The following CSMD1 variants were observed in gnomAD, a reference collection of about 807,000 sequenced individuals.
CSMD1 encodes CUB and Sushi multiple domains 1.
A neutral mutation model predicts 417.5 loss-of-function variants in CSMD1; 213 were observed. The observed-to-expected ratio is 0.51, with a 90% CI of 0.46 to 0.57. The LOEUF (loss-of-function observed/expected upper bound fraction) is 0.57. Ranked by LOEUF, CSMD1 falls within the 20% of genes least tolerant of loss-of-function variation. CSMD1 has a pLI of 0.00. For synonymous variants in CSMD1, 2,862 were observed against 1,736.8 expected (o/e 1.65, Z -16.11); for missense variants, 6,923 against 4,529.7 (o/e 1.53, Z -15.17).
intron 3 of CSMD1, among the ~76,000 whole-genome samples, chr8:4,272,310 T>A (rs753985076): frequency 6.6e-6 from 1 of 152,188 alleles, no homozygotes; most frequent in Admixed American, 6.5e-5. Context: ...TCCTTGCCAA[T>A]GTCATAACAA....
chr8:4,822,849 C>T (rs946840854), intron 1 of CSMD1, among the ~76,000 whole-genome samples: 2 of 152,042 alleles, frequency 1.3e-5, no homozygotes, highest in Non-Finnish European at 1.5e-5. Context: ...CTGTAATTTT[C>T]TCCGTCAGAT....
At chr8:3,995,374 T>A (rs1266243299) in intron 5 of CSMD1, among the ~76,000 whole-genome samples, 1 of 145,778 alleles carries the variant, frequency 6.9e-6, no homozygotes, top group Admixed American at 6.9e-5. Context: ...ATGTTACACA[T>A]ACACACAAAA....
intron 12 of CSMD1, among the ~76,000 whole-genome samples, chr8:3,446,635 T>A (rs1197797303): frequency 6.6e-6 from 1 of 152,156 alleles, no homozygotes; most frequent in Non-Finnish European, 1.5e-5. Flanking sequence ...AAAGAAACGC[T>A]GTTTGGGGAA....
chr8:4,849,452 C>T (rs1190947533), intron 1 of CSMD1, among the ~76,000 whole-genome samples: 1 of 151,856 alleles, frequency 6.6e-6, no homozygotes, highest in Non-Finnish European at 1.5e-5. Flanking sequence ...GTTGTAAAGT[C>T]CACAATAGTG....
At chr8:4,750,910 T>C (rs1264349912) in intron 1 of CSMD1, among the ~76,000 whole-genome samples, 1 of 152,220 alleles carries the variant, frequency 6.6e-6, no homozygotes, top group East Asian at 1.9e-4. Context: ...CTTACTAATT[T>C]GGATAGCTCC....
intron 1 of CSMD1, among the ~76,000 whole-genome samples, chr8:4,773,869 G>C (rs765672167): frequency 2.0e-5 from 3 of 152,130 alleles, no homozygotes; most frequent in Non-Finnish European, 4.4e-5. Context: ...ACTCACCAGT[G>C]CCCAAACTAT....
chr8:3,800,823 T>C (rs1327268687), intron 5 of CSMD1, among the ~76,000 whole-genome samples: 1 of 152,106 alleles, frequency 6.6e-6, no homozygotes, highest in Non-Finnish European at 1.5e-5. Flanking sequence ...CCTTTGACCT[T>C]CTTCATCATG....
intron 12 of CSMD1, among the ~76,000 whole-genome samples, chr8:3,426,915 G>T (rs76899954): frequency 0.047 from 7,100 of 152,190 alleles, 431 homozygotes; most frequent in East Asian, 0.2. Context: ...CAGTTCAGCT[G>T]GGGAGGCCTC....
At chr8:4,813,221 G>A (rs934040007) in intron 1 of CSMD1, among the ~76,000 whole-genome samples, 4 of 152,140 alleles carry the variant, frequency 2.6e-5, no homozygotes, top group South Asian at 4.1e-4. Flanking sequence ...TATTCAAGGA[G>A]CAAATGTGCT....
chr8:3,527,897 A>C (rs1797820999), intron 10 of CSMD1, among the ~76,000 whole-genome samples: 1 of 152,226 alleles, frequency 6.6e-6, no homozygotes, highest in South Asian at 2.1e-4. Context: ...CACGGACATT[A>C]CAGGCTGGCT....
intron 1 of CSMD1, among the ~76,000 whole-genome samples, chr8:4,965,372 G>C (rs1420147337): frequency 6.6e-6 from 1 of 152,122 alleles, no homozygotes; most frequent in Non-Finnish European, 1.5e-5. Context: ...GTGTACACAA[G>C]GTCCCCCTAT....
At chr8:4,657,721 G>GA (rs566573120) in intron 1 of CSMD1, among the ~76,000 whole-genome samples, 8,355 of 118,784 alleles carry the variant, frequency 0.07, 272 homozygotes, top group Middle Eastern at 0.13. Context: ...CAAAAGAAAT[G>GA]AAAAAAAAAA....
At chr8:3,402,986 G>C (rs1362836889) in intron 15 of CSMD1, among the ~76,000 whole-genome samples, 2 of 152,178 alleles carry the variant, frequency 1.3e-5, no homozygotes, top group South Asian at 2.1e-4. Context: ...ATGGTTTCCA[G>C]ATGGGATAGT....
chr8:3,806,702 G>A (rs1354949439), intron 5 of CSMD1, among the ~76,000 whole-genome samples: 1 of 152,170 alleles, frequency 6.6e-6, no homozygotes, highest in Non-Finnish European at 1.5e-5. Flanking sequence ...ACAATCTAAT[G>A]AGAGGTAATA....
intron 1 of CSMD1, among the ~76,000 whole-genome samples, chr8:4,878,104 C>T (rs891920398): frequency 6.6e-6 from 1 of 152,066 alleles, no homozygotes; most frequent in African/African-American, 2.4e-5. Context: ...ACCAGTAACC[C>T]TCAGCGTGTT....
chr8:4,088,538 T>G (rs1800543261), intron 3 of CSMD1, among the ~76,000 whole-genome samples: 1 of 152,196 alleles, frequency 6.6e-6, no homozygotes, highest in Non-Finnish European at 1.5e-5. Flanking sequence ...GATGCAAAAC[T>G]AAATCTCTCA....
At chr8:3,202,889 G>A (rs889761628) in intron 31 of CSMD1, among the ~76,000 whole-genome samples, 2 of 152,222 alleles carry the variant, frequency 1.3e-5, no homozygotes, top group South Asian at 2.1e-4. Context: ...TGTAGGCTAG[G>A]TGAATTTTCC....
chr8:3,001,198 G>A (rs926926260), intron 52 of CSMD1, among the ~76,000 whole-genome samples: 1 of 151,980 alleles, frequency 6.6e-6, no homozygotes, highest in Non-Finnish European at 1.5e-5. Context: ...GTCTCATTAT[G>A]TTGTTCAGGC....
chr8:3,697,796 C>G (rs1355336845), intron 7 of CSMD1, among the ~76,000 whole-genome samples: 2 of 152,104 alleles, frequency 1.3e-5, no homozygotes, highest in African/African-American at 4.8e-5. Context: ...GATGGAAATG[C>G]TAAAATTTAT....
Sources: allele counts gnomAD v4.1 joint callset (sites outside exome capture counted in the v4.1 genomes callset), GRCh38; gene constraint gnomAD v4.1.1; transcripts MANE v1.5; gene names NCBI Gene and HGNC (gene_info 2026-07-23, HGNC 2026-07-21).